The following MYO1D variants were observed in gnomAD, a reference collection of about 807,000 sequenced individuals.
The protein encoded by MYO1D is myosin ID, also known as unconventional myosin-Id.
Under a neutral mutation model 122.0 loss-of-function variants are expected in MYO1D, and 83 were observed. The observed-to-expected ratio is 0.68, with a 90% CI of 0.57 to 0.82. MYO1D has a LOEUF of 0.82. Ranked by LOEUF, MYO1D falls within the 40% of genes least tolerant of loss-of-function variation. The pLI, the probability that MYO1D is intolerant of heterozygous loss-of-function variation, is 0.00. For synonymous variants in MYO1D, 464 were observed against 446.9 expected, an observed-to-expected ratio of 1.04 and a Z score of -0.48; for missense variants, 1,157 against 1,269.5, an observed-to-expected ratio of 0.91 and a Z score of 1.35.
In MYO1D at chr17:32,507,201, G is replaced by A. The variant is rs181301388; in HGVS notation, c.2865-12286C>T. 2.6e-5 allele frequency among the ~76,000 whole-genome samples: 4 copies of A among 152,018 alleles called. No homozygotes were observed. The East Asian group carries it at 7.7e-4, about 29-fold the overall frequency. On this transcript the variant is annotated intron_variant, in intron 21 of 21. Coordinates refer to ENST00000318217, the MANE Select transcript of MYO1D (RefSeq NM_015194.3). ...GGACTGCTTGAGCCCAGAAGTTCAA[G>A]ACCCACTTGGGTAGCAGAATGAGAC...
In MYO1D at chr17:32,578,019, G is replaced by A. The variant is rs554357177; in HGVS notation, c.2864+27068C>T. On this transcript the variant is annotated intron_variant, in intron 21 of 21. Transcript: ENST00000318217. ...CTCCCAAAGCGCTGGGATTACAGGC[G>A]TGAGCCACCGCGCCCAGCCTCAGAA... Among the ~76,000 whole-genome samples the A allele has an allele frequency of 3.3e-5, 5 of 152,296 alleles. No homozygotes were observed. In the East Asian group the frequency reaches 7.7e-4, roughly 24 times the overall value.
At chr17:32,761,284 C>A (rs969013816) in intron 8 of MYO1D, among the ~76,000 whole-genome samples, 4 of 152,156 alleles carry the variant, frequency 2.6e-5, no homozygotes, top group Non-Finnish European at 4.4e-5. Context: ...TCCATTACCT[C>A]CCCTTTACTC....
chr17:32,876,053 G>A (rs2091225338), intron 1 of MYO1D, among the ~76,000 whole-genome samples: 1 of 152,046 alleles, frequency 6.6e-6, no homozygotes, highest in Admixed American at 6.6e-5. Context: ...TAACACAAGA[G>A]CTCCATCCAC....
In MYO1D at chr17:32,590,811, A is replaced by G. The variant is rs937173815; in HGVS notation, c.2864+14276T>C. Among the ~76,000 whole-genome samples the G allele has an allele frequency of 2.6e-5, 4 of 152,226 alleles. No individual in the cohort carries two copies. In the South Asian group the frequency reaches 8.3e-4, roughly 32 times the overall value. On this transcript the variant is annotated intron_variant, in intron 21 of 21. Transcript: ENST00000318217. ...ACAGATAGCATGGTATTATTCACTAATCATTTGGTGAATTCATGAATACCT... is the reference window on the plus strand; with the variant it reads ...ACAGATAGCATGGTATTATTCACTAGTCATTTGGTGAATTCATGAATACCT...
chr17:32,659,229 G>C lies in MYO1D; in HGVS notation c.2231C>G (p.Ala744Gly). ...GGTCTTGACGCCATGGAAGCGTCTG[G>C]CCACCTCGTGGATGTACGACTTCAC... is the stretch of plus-strand genomic sequence containing the variant. ...YKVKSYIHEV[A>G]RRFHGVKTMR... Residue 744 changes from alanine to glycine, a missense_variant, in exon 17 of 22, where the codon GCC (alanine) becomes GGC (glycine). Transcript: ENST00000318217. The C allele has an allele frequency of 6.2e-7, 1 of 1,614,216 alleles. No individual in the cohort carries two copies. Among genetic ancestry groups the C allele is most frequent in the Non-Finnish European group, 8.5e-7 (1 of 1,180,030 alleles).
At position 32,511,966 on chromosome 17, in the gene MYO1D, A is replaced by C. The variant is rs570772509; in HGVS notation, c.2865-17051T>G. On this transcript the variant is annotated intron_variant, in intron 21 of 21. Coordinates refer to ENST00000318217, the MANE Select transcript of MYO1D (RefSeq NM_015194.3). ...CACCTGAGAATCGAACATTGAAAGCACTTAGCACCTACACACAAACACACT... is the reference window on the plus strand; with the variant it reads ...CACCTGAGAATCGAACATTGAAAGCCCTTAGCACCTACACACAAACACACT... Among the ~76,000 whole-genome samples, 7 of 152,230 alleles carry C rather than the reference A, an allele frequency of 4.6e-5. No homozygotes were observed. The South Asian group carries it at 1.4e-3, about 32-fold the overall frequency.
At chr17:32,837,043 A>G (rs1015273412) in intron 1 of MYO1D, among the ~76,000 whole-genome samples, 37 of 152,150 alleles carry the variant, frequency 2.4e-4, no homozygotes, top group African/African-American at 8.7e-4. Flanking sequence ...ATCCTCACCA[A>G]TATTTTTTTC....
chr17:32,602,884 T>C (rs1159990055), intron 21 of MYO1D, among the ~76,000 whole-genome samples: 2 of 152,194 alleles, frequency 1.3e-5, no homozygotes, highest in South Asian at 2.1e-4. Context: ...AATGATACGA[T>C]AGTTGACAAT....
At chr17:32,779,569 A>AAACT (rs2090214802) in intron 2 of MYO1D, among the ~76,000 whole-genome samples, 1 of 151,940 alleles carries the variant, frequency 6.6e-6, no homozygotes, top group Non-Finnish European at 1.5e-5. Flanking sequence ...GATAAACACT[A>AAACT]AACTGTTAAC....
intron 21 of MYO1D, among the ~76,000 whole-genome samples, chr17:32,585,072 A>G (rs1015641811): frequency 2.0e-5 from 3 of 152,370 alleles, no homozygotes; most frequent in African/African-American, 7.2e-5. Flanking sequence ...GGCATAATTT[A>G]GCTAGGCTGC....
intron 19 of MYO1D, among the ~76,000 whole-genome samples, chr17:32,644,856 C>A (rs1354121980): frequency 1.3e-5 from 2 of 152,160 alleles, no homozygotes; most frequent in Non-Finnish European, 2.9e-5. Context: ...TGGGTCTTGA[C>A]TCTTTATCCA....
intron 1 of MYO1D, among the ~76,000 whole-genome samples, chr17:32,796,601 C>T (rs572687069): frequency 5.3e-5 from 8 of 152,152 alleles, no homozygotes; most frequent in South Asian, 2.1e-4. Context: ...CTTGTAGAGA[C>T]GGGGTTTTTG....
At chr17:32,614,943 T>C (rs767593978) in intron 20 of MYO1D, among the ~76,000 whole-genome samples, 3 of 152,186 alleles carry the variant, frequency 2.0e-5, no homozygotes, top group Non-Finnish European at 2.9e-5. Flanking sequence ...TGATTCCAAC[T>C]CTCACTCACC....
intron 16 of MYO1D, among the ~76,000 whole-genome samples, chr17:32,694,562 G>A (rs955029970): frequency 1.7e-4 from 25 of 151,388 alleles, no homozygotes; most frequent in African/African-American, 4.6e-4. Flanking sequence ...TTAGCCGGGC[G>A]CGGTGGCGGG....
At chr17:32,871,441 A>T (rs1277113231) in intron 1 of MYO1D, among the ~76,000 whole-genome samples, 4 of 152,232 alleles carry the variant, frequency 2.6e-5, no homozygotes, top group Admixed American at 1.3e-4. Flanking sequence ...GTGTTAGATT[A>T]AAAAAGAGAA....
At chr17:32,782,025 G>C (rs1173350745) in intron 1 of MYO1D, among the ~76,000 whole-genome samples, 1 of 152,206 alleles carries the variant, frequency 6.6e-6, no homozygotes, top group Non-Finnish European at 1.5e-5. Context: ...CAAAATGCTG[G>C]TTCACAGACA....
chr17:32,831,232 C>T (rs1462184371), intron 1 of MYO1D, among the ~76,000 whole-genome samples: 1 of 152,154 alleles, frequency 6.6e-6, no homozygotes, highest in Non-Finnish European at 1.5e-5. Context: ...TTCCAAAATT[C>T]TGCCGAGAAA....
At chr17:32,859,944 G>A (rs1029334127) in intron 1 of MYO1D, among the ~76,000 whole-genome samples, 3 of 152,104 alleles carry the variant, frequency 2.0e-5, no homozygotes, top group Non-Finnish European at 4.4e-5. Context: ...TATCATCAGC[G>A]CCTGACTATT....
At chr17:32,649,167 T>C (rs1258492308) in intron 19 of MYO1D, among the ~76,000 whole-genome samples, 2 of 152,234 alleles carry the variant, frequency 1.3e-5, no homozygotes, top group Admixed American at 1.3e-4. Flanking sequence ...ATTGTGTTTT[T>C]TCATTTAAAA....
Sources: gnomAD v4.1 joint callset for allele counts (sites outside exome capture counted in the v4.1 genomes callset) on GRCh38, gnomAD v4.1.1 for gene constraint, MANE v1.5 for transcripts, NCBI Gene and HGNC (gene_info 2026-07-23, HGNC 2026-07-21) for gene names.